ATP11B: variants seen among roughly 807,000 people sequenced by gnomAD.
The protein encoded by ATP11B is phospholipid-transporting ATPase IF.
ATP11B carries 81 observed loss-of-function variants against 157.8 expected under a neutral mutation model. That is an observed-to-expected ratio of 0.51 (90% CI 0.43 to 0.62). ATP11B has a LOEUF of 0.62. Among genes scored for constraint, ATP11B ranks in the 20% least tolerant of loss-of-function variants. The pLI is 0.00. For synonymous variants in ATP11B, 451 were observed against 469.4 expected (o/e 0.96, Z 0.51); for missense variants, 1,165 against 1,402.2 (o/e 0.83, Z 2.70).
At chr3:182,875,349 C>T (rs1721951869) in intron 19 of ATP11B, among the ~76,000 whole-genome samples, 1 of 152,150 alleles carries the variant, frequency 6.6e-6, no homozygotes, top group Admixed American at 6.5e-5. Flanking sequence ...TTATGTGATA[C>T]CAAGTCTGGA....
chr3:182,820,810 G>A (rs564340532), intron 2 of ATP11B, among the ~76,000 whole-genome samples: 2 of 152,272 alleles, frequency 1.3e-5, no homozygotes, highest in African/African-American at 4.8e-5. Context: ...ATGGTTAACT[G>A]TAGAATACAA....
At chr3:182,810,424 A>G (rs150033048) in intron 1 of ATP11B, among the ~76,000 whole-genome samples, 194 of 152,282 alleles carry the variant, frequency 1.3e-3, no homozygotes, top group African/African-American at 4.5e-3. Context: ...TTTCATAGCA[A>G]TAGTTTAGGA....
intron 19 of ATP11B, among the ~76,000 whole-genome samples, chr3:182,878,818 T>A (rs2108557255): frequency 6.6e-6 from 1 of 152,316 alleles, no homozygotes; most frequent in East Asian, 1.9e-4. Context: ...ACATCTTGAT[T>A]TCATAGAGTT....
chr3:182,802,187 C>A, intron 1 of ATP11B, among the ~76,000 whole-genome samples: 1 of 152,166 alleles, frequency 6.6e-6, no homozygotes, highest in Admixed American at 6.5e-5. Context: ...CCATTTCTCT[C>A]GTCTTTCTCT....
chr3:182,800,777 T>G (rs1715948164), intron 1 of ATP11B, among the ~76,000 whole-genome samples: 1 of 122,390 alleles, frequency 8.2e-6, no homozygotes, highest in Non-Finnish European at 1.7e-5. Context: ...TATTGGCAAA[T>G]TCTTTTGATT....
intron 12 of ATP11B, among the ~76,000 whole-genome samples, chr3:182,863,999 A>G (rs550946): frequency 0.67 from 102,305 of 151,852 alleles, 35,428 homozygotes; most frequent in Non-Finnish European, 0.77. Flanking sequence ...AATAGTAAAG[A>G]TAAAGTATTC....
rs549253989 is a variant in ATP11B at position 182,891,071 on chromosome 3, A to G, written c.2982+1523A>G. On this transcript the variant is annotated intron_variant, in intron 25 of 29. Transcript: ENST00000323116. ...CCTACATGCTTAGTCATGATTCTCA[A>G]TTCTTCTGAGAAACAGCTGTTAGCC... Among the ~76,000 whole-genome samples the G allele has an allele frequency of 1.1e-3, 167 of 152,312 alleles. 2 individuals carry two copies. The highest frequency in any genetic ancestry group is 3.7e-3 in the African/African-American group (153 of 41,568).
chr3:182,868,990 A>G, intron 15 of ATP11B, 88 bp from the exon 16 acceptor site: 1 of 792,260 alleles, frequency 1.3e-6, no homozygotes, highest in South Asian at 1.9e-5. Flanking sequence ...TAGCCATTTT[A>G]TCTTATATAT....
intron 21 of ATP11B, among the ~76,000 whole-genome samples, chr3:182,883,372 CT>C: frequency 6.6e-6 from 1 of 151,820 alleles, no homozygotes; most frequent in African/African-American, 2.4e-5. Flanking sequence ...ATTCTCCTAC[CT>C]CAGCCTCCCA....
Position 182,920,794 on chromosome 3 carries a change from C to T in ATP11B, c.*2690C>T, listed in dbSNP as rs777365868. The T allele has an allele frequency of 6.6e-6, 1 of 152,258 alleles. No individual in the cohort carries two copies. The highest frequency in any genetic ancestry group is 1.5e-5 in the Non-Finnish European group (1 of 68,078). The allele number at this position is 152,258 out of a possible 1,614,324, so 9.4% of individuals were successfully genotyped here. A position where few individuals can be genotyped will look rare whatever the true frequency, so the allele number is the denominator to read the frequency against. ...CAGGGAGAACTACAGCTACGAAGAC[C>T]TGCTGTCGAGTTGAGAAAAGGGGAG... On this transcript the variant is annotated 3_prime_UTR_variant, in exon 30 of 30. Coordinates refer to ENST00000323116, the MANE Select transcript of ATP11B (RefSeq NM_014616.3).
chr3:182,803,257 G>T (rs978934656), intron 1 of ATP11B, among the ~76,000 whole-genome samples: 1 of 152,144 alleles, frequency 6.6e-6, no homozygotes, highest in Non-Finnish European at 1.5e-5. Context: ...CCAGTCTGAT[G>T]GGTGTGAAAT....
intron 7 of ATP11B, among the ~76,000 whole-genome samples, chr3:182,839,329 C>T (rs1193683272): frequency 6.6e-6 from 1 of 152,098 alleles, no homozygotes; most frequent in Non-Finnish European, 1.5e-5. Flanking sequence ...CTGTTGGGTA[C>T]TAGACTTAGT....
At position 182,793,756 on chromosome 3, in the gene ATP11B, G is replaced by T; in HGVS notation, c.-4G>T. On this transcript the variant is annotated 5_prime_UTR_variant, in exon 1 of 30. Transcript: ENST00000323116. ...CGCGGGACCCGGACGGCGACGACGG[G>T]GGAATGTGGCGCTGGATCCGGCAGC... 1 of 1,411,684 alleles carries T rather than the reference G, an allele frequency of 7.1e-7. No individual in the cohort carries two copies. The allele number at this position is 1,411,684 out of a possible 1,614,324, so 87.4% of individuals were successfully genotyped here. A position where few individuals can be genotyped will look rare whatever the true frequency, so the allele number is the denominator to read the frequency against.
At chr3:182,838,706 T>C (rs1305758693) in intron 7 of ATP11B, among the ~76,000 whole-genome samples, 3 of 151,806 alleles carry the variant, frequency 2.0e-5, no homozygotes, top group Non-Finnish European at 4.4e-5. Flanking sequence ...GAGGAACTCA[T>C]AGAAGTTAGA....
chr3:182,877,886 CA>C (rs1168510091), intron 19 of ATP11B, among the ~76,000 whole-genome samples: 2 of 152,112 alleles, frequency 1.3e-5, no homozygotes, highest in African/African-American at 4.8e-5. Context: ...TAATGTGATT[CA>C]TGAAGCCTGT....
chr3:182,903,955 A>G (rs1008650803), intron 28 of ATP11B, among the ~76,000 whole-genome samples: 1 of 152,234 alleles, frequency 6.6e-6, no homozygotes, highest in Non-Finnish European at 1.5e-5. Context: ...ATTTAAGAAT[A>G]ATGGAGAAAG....
At chr3:182,885,340 G>A (rs1722729267) in intron 22 of ATP11B, among the ~76,000 whole-genome samples, 2 of 152,088 alleles carry the variant, frequency 1.3e-5, no homozygotes, top group Non-Finnish European at 2.9e-5. Context: ...TTTGGTACAA[G>A]GTGGGAGTTT....
intron 1 of ATP11B, among the ~76,000 whole-genome samples, chr3:182,814,590 T>C (rs1716861736): frequency 1.3e-5 from 2 of 152,192 alleles, no homozygotes; most frequent in South Asian, 2.1e-4. Flanking sequence ...GGAGGATTGC[T>C]TGAGCCCAGG....
chr3:182,888,787 A>G (rs941956930), intron 24 of ATP11B, among the ~76,000 whole-genome samples: 3 of 151,306 alleles, frequency 2.0e-5, no homozygotes, highest in African/African-American at 7.3e-5. Context: ...GTCTCAGGTG[A>G]TCCTCCTGCA....
Sources: allele counts gnomAD v4.1 joint callset (sites outside exome capture counted in the v4.1 genomes callset), GRCh38; gene constraint gnomAD v4.1.1; transcripts MANE v1.5; gene names NCBI Gene and HGNC (gene_info 2026-07-23, HGNC 2026-07-21).